The following GALNTL6 variants were observed in gnomAD, a reference collection of about 807,000 sequenced individuals.
The protein encoded by GALNTL6 is polypeptide N-acetylgalactosaminyltransferase like 6.
GALNTL6 carries 46 observed loss-of-function variants against 73.7 expected under a neutral mutation model. That is an observed-to-expected ratio of 0.62 (90% CI 0.49 to 0.80). GALNTL6 has a LOEUF of 0.80. GALNTL6 is among the 30% of genes least tolerant of loss of function. The pLI, the probability that GALNTL6 is intolerant of heterozygous loss-of-function variation, is 0.00. For missense variants in GALNTL6, 604 were observed against 755.0 expected, an observed-to-expected ratio of 0.80 and a Z score of 2.34; for synonymous variants, 259 against 263.7, an observed-to-expected ratio of 0.98 and a Z score of 0.17.
chr4:171,984,280 G>A (rs1740000213), intron 2 of GALNTL6, among the ~76,000 whole-genome samples: 1 of 152,142 alleles, frequency 6.6e-6, no homozygotes, highest in African/African-American at 2.4e-5. Context: ...GGTATTTCAA[G>A]ACTTTTATTT....
rs77520429 is a variant in GALNTL6 at position 171,813,936 on chromosome 4, T to C, written c.-224T>C. 0.032 allele frequency: 4,843 copies of C among 152,400 alleles called. 233 individuals carry two copies. Among genetic ancestry groups the C allele is most frequent in the African/African-American group, 0.11 (4,536 of 41,512 alleles). 9.4% of individuals were successfully genotyped at this position (152,400 alleles called of 1,614,324 possible). On this transcript the variant is annotated 5_prime_UTR_variant, in exon 1 of 13. Coordinates refer to ENST00000506823, the MANE Select transcript of GALNTL6 (RefSeq NM_001034845.3). The surrounding 1 kb of genome is among the most constrained non-coding windows in gnomAD (Gnocchi z 5.2). ...TCTGCCCGGATCCCGAGTCCCTGGA[T>C]CCCGGTGGAGCCCGCCGGCAAGCTG...
chr4:172,122,475 A>G (rs1733178569), intron 2 of GALNTL6, among the ~76,000 whole-genome samples: 1 of 152,192 alleles, frequency 6.6e-6, no homozygotes, highest in Admixed American at 6.5e-5. Flanking sequence ...ATCAGGCACG[A>G]AACTTACCTC....
At chr4:171,941,562 A>T (rs1036665868) in intron 2 of GALNTL6, among the ~76,000 whole-genome samples, 1 of 152,192 alleles carries the variant, frequency 6.6e-6, no homozygotes, top group Non-Finnish European at 1.5e-5. Context: ...CAGTTGTGTC[A>T]TCACCACAGT....
intron 10 of GALNTL6, among the ~76,000 whole-genome samples, chr4:173,004,274 T>C (rs921766067): frequency 1.3e-5 from 2 of 152,156 alleles, no homozygotes; most frequent in Non-Finnish European, 1.5e-5. Context: ...TCTCTTTCTG[T>C]GTTACCCTAG....
chr4:172,612,244 T>A (rs1738552456), intron 5 of GALNTL6, among the ~76,000 whole-genome samples: 1 of 152,050 alleles, frequency 6.6e-6, no homozygotes, highest in Admixed American at 6.6e-5. Flanking sequence ...GACCAGTAAG[T>A]TGAAAACAAA....
chr4:172,731,275 T>C (rs1736134846), intron 5 of GALNTL6, among the ~76,000 whole-genome samples: 1 of 152,228 alleles, frequency 6.6e-6, no homozygotes, highest in African/African-American at 2.4e-5. Flanking sequence ...GGTGATTCAA[T>C]CTTGGTAGAT....
At chr4:172,591,891 T>C (rs991742894) in intron 5 of GALNTL6, among the ~76,000 whole-genome samples, 19 of 152,184 alleles carry the variant, frequency 1.2e-4, no homozygotes, top group Admixed American at 6.5e-5. Flanking sequence ...AGTTTTGACC[T>C]TGGCTATCAA....
intron 5 of GALNTL6, among the ~76,000 whole-genome samples, chr4:172,459,833 G>T (rs1171994028): frequency 6.6e-6 from 1 of 152,072 alleles, no homozygotes; most frequent in East Asian, 1.9e-4. Flanking sequence ...AGCTACCATT[G>T]ACTTTCTTCA....
chr4:172,633,563 C>T (rs1311472455), intron 5 of GALNTL6, among the ~76,000 whole-genome samples: 2 of 152,164 alleles, frequency 1.3e-5, no homozygotes, highest in African/African-American at 4.8e-5. Context: ...GTGGGAGGGA[C>T]TTGCCTTGTC....
chr4:171,833,297 T>A (rs1484059338), intron 2 of GALNTL6, among the ~76,000 whole-genome samples: 1 of 151,708 alleles, frequency 6.6e-6, no homozygotes, highest in Non-Finnish European at 1.5e-5. Context: ...ATATTATTGC[T>A]GACAACAAAT....
In GALNTL6 at chr4:171,895,516, G is replaced by T. The variant is rs117709941; in HGVS notation, c.138+80798G>T. 3.6e-3 allele frequency among the ~76,000 whole-genome samples: 553 copies of T among 152,270 alleles called. 20 individuals carry two copies. In the East Asian group the frequency reaches 0.086, roughly 24 times the overall value. ...TCAGAGCAGTTTAGCTAAGGCAAAG[G>T]ATCTCAGGTGAGGACCGAGTTGCTG... On this transcript the variant is annotated intron_variant, in intron 2 of 12. Coordinates refer to ENST00000506823, the MANE Select transcript of GALNTL6 (RefSeq NM_001034845.3).
At chr4:171,936,455 G>GAACATTT (rs1738347945) in intron 2 of GALNTL6, among the ~76,000 whole-genome samples, 1 of 152,116 alleles carries the variant, frequency 6.6e-6, no homozygotes, top group Non-Finnish European at 1.5e-5. Context: ...ATGAGGCCAA[G>GAACATTT]AACATTTTTG....
At chr4:172,663,766 T>C (rs1045758659) in intron 5 of GALNTL6, among the ~76,000 whole-genome samples, 7 of 151,988 alleles carry the variant, frequency 4.6e-5, no homozygotes, top group Admixed American at 3.3e-4. Context: ...CCATCTCTAC[T>C]AAAAATATAA....
chr4:171,988,245 T>C (rs1334444828), intron 2 of GALNTL6, among the ~76,000 whole-genome samples: 1 of 152,078 alleles, frequency 6.6e-6, no homozygotes, highest in Non-Finnish European at 1.5e-5. Flanking sequence ...GGAAAGGAGT[T>C]CTTGTTTTGT....
At chr4:172,928,985 G>A (rs558229713) in intron 8 of GALNTL6, among the ~76,000 whole-genome samples, 1 of 152,284 alleles carries the variant, frequency 6.6e-6, no homozygotes, top group East Asian at 1.9e-4. Flanking sequence ...TGGAAGAGTT[G>A]ATTTCTTAAG....
chr4:172,947,290 AG>A (rs1749213410), intron 9 of GALNTL6, among the ~76,000 whole-genome samples: 1 of 152,150 alleles, frequency 6.6e-6, no homozygotes, highest in Admixed American at 6.5e-5. Context: ...GTAGACAGCA[AG>A]CTGGGGGCAA....
chr4:172,396,066 A>ATT (rs1743839533), intron 5 of GALNTL6, among the ~76,000 whole-genome samples: 1 of 152,134 alleles, frequency 6.6e-6, no homozygotes, highest in African/African-American at 2.4e-5. Context: ...GCATACCCAC[A>ATT]TTTTGTCAAC....
chr4:172,965,551 C>T (rs534817157), intron 10 of GALNTL6, among the ~76,000 whole-genome samples: 90 of 151,626 alleles, frequency 5.9e-4, no homozygotes, highest in African/African-American at 2.2e-3. Flanking sequence ...CCACTGCATC[C>T]AGCCTGGGTG....
At chr4:172,713,998 C>T (rs1414900860) in intron 5 of GALNTL6, among the ~76,000 whole-genome samples, 1 of 152,120 alleles carries the variant, frequency 6.6e-6, no homozygotes, top group African/African-American at 2.4e-5. Context: ...AGATGGATCA[C>T]TTGAGGTCAG....
Sources: allele counts gnomAD v4.1 joint callset (sites outside exome capture counted in the v4.1 genomes callset), GRCh38; gene constraint gnomAD v4.1.1; non-coding constraint Gnocchi (gnomAD v3.1); transcripts MANE v1.5; gene names NCBI Gene and HGNC (gene_info 2026-07-23, HGNC 2026-07-21).